The following CDC23 variants were observed in gnomAD, a reference collection of about 807,000 sequenced individuals.
CDC23 encodes the protein cell division cycle protein 23 homolog.
In CDC23, 26 loss-of-function variants were observed where a neutral mutation model predicts 81.7. The observed-to-expected ratio is 0.32, with a 90% CI of 0.23 to 0.44. The LOEUF (loss-of-function observed/expected upper bound fraction) is 0.44, where lower values mean the gene tolerates loss of function less well. Ranked by LOEUF, CDC23 falls within the 20% of genes least tolerant of loss-of-function variation. The pLI, the probability that CDC23 is intolerant of heterozygous loss-of-function variation, is 1.00. For missense variants in CDC23, 519 were observed against 728.0 expected (o/e 0.71, Z 3.30); for synonymous variants, 267 against 270.8 (o/e 0.99, Z 0.14).
intron 9 of CDC23, among the ~76,000 whole-genome samples, chr5:138,197,158 T>C (rs1171081130): frequency 6.7e-6 from 1 of 150,128 alleles, no homozygotes; most frequent in African/African-American, 2.5e-5. Context: ...TACAAAAAAT[T>C]AGCCGGGCGT....
intron 2 of CDC23, among the ~76,000 whole-genome samples, chr5:138,208,164 C>G (rs1755074048): frequency 6.6e-6 from 1 of 152,000 alleles, no homozygotes; most frequent in Non-Finnish European, 1.5e-5. Context: ...TTTCACCAGG[C>G]TGGTCTTGAA....
intron 9 of CDC23, among the ~76,000 whole-genome samples, chr5:138,193,786 C>T (rs1197086186): frequency 1.3e-5 from 2 of 151,786 alleles, no homozygotes; most frequent in Admixed American, 6.6e-5. Flanking sequence ...GGAAGAAACT[C>T]GGTCTCTACT....
chr5:138,206,663 C>A lies in CDC23; in HGVS notation c.256G>T (p.Ala86Ser). The A allele has an allele frequency of 6.2e-7, 1 of 1,611,580 alleles. No homozygotes were observed. Among genetic ancestry groups the A allele is most frequent in the Non-Finnish European group, 8.5e-7 (1 of 1,178,816 alleles). The change falls in exon 3 of 16, where the codon GCC (alanine) becomes TCC (serine). Residue 86 changes from alanine (A) to serine (S), a missense_variant. Physicochemically the swap from Ala to Ser is moderately conservative, Grantham distance 99. Transcript: ENST00000394886. Reference protein sequence around the residue: ...ITEEDAQDMDAYTLAKAYFDV... With the variant: ...ITEEDAQDMDSYTLAKAYFDV... ...AAGTAGGCCTTGGCCAGGGTATAGG[C>A]ATCCATATCCTGGGCATCTTCCTAA...
Position 138,206,591 on chromosome 5 carries a change from T to C in CDC23, c.328A>G (p.Asn110Asp). 6.2e-7 allele frequency: 1 copy of C among 1,614,160 alleles called. No individual in the cohort carries two copies. Among genetic ancestry groups the C allele is most frequent in the Non-Finnish European group, 8.5e-7 (1 of 1,180,004 alleles). ...DRAAHFLHGCNSKKAYFLYMY... is the reference protein window; with the variant it reads ...DRAAHFLHGCDSKKAYFLYMY... ...TACAGAAAATAGGCTTTCTTGCTAT[T>C]GCAGCCATGCAGGAAATGTGCTGCC... Residue 110 changes from asparagine (N) to aspartate (D), a missense_variant, in exon 3 of 16, where the codon AAT (asparagine) becomes GAT (aspartate). By Grantham distance (23) the Asn-to-Asp change is conservative. This residue lies in a region of CDC23 where 180 missense variants were observed against 239.3 expected (regional missense o/e 0.75). Transcript: ENST00000394886.
chr5:138,210,728 C>A, intron 2 of CDC23, among the ~76,000 whole-genome samples: 1 of 152,100 alleles, frequency 6.6e-6, no homozygotes, highest in East Asian at 1.9e-4. Flanking sequence ...TTCAACAAAC[C>A]AATAGCTAAT....
At chr5:138,206,514 A>G (rs551340826) in intron 3 of CDC23, 33 bp downstream of exon 3, 1 of 1,612,842 alleles carries the variant, frequency 6.2e-7, no homozygotes, top group Admixed American at 1.7e-5. Flanking sequence ...ATGTTTCACT[A>G]AAGGCAGAAT....
rs1472582351 is a variant in CDC23 at position 138,192,168 on chromosome 5, G to A, written c.1286+101C>T. On this transcript the variant is annotated intron_variant, in intron 11 of 15. Transcript: ENST00000394886. The stretch of plus-strand genomic sequence containing the variant: ...CAACTTTAACCTCAGATCCCCAAGA[G>A]CCAAAACCATCCACTGTGATTTGTC... 6 of 1,469,260 alleles carry A rather than the reference G, an allele frequency of 4.1e-6. No individual in the cohort carries two copies. The African/African-American group carries it at 7.1e-5, about 17-fold the overall frequency. The allele number at this position is 1,469,260 out of a possible 1,614,324, so 91.0% of individuals were successfully genotyped here.
chr5:138,191,979 A>C (rs1474446792), intron 11 of CDC23, 42 bp from the exon 12 acceptor site: 3 of 1,549,208 alleles, frequency 1.9e-6, no homozygotes, highest in South Asian at 1.1e-5. Context: ...GACTTTACAG[A>C]AACTGAAGTT....
chr5:138,207,900 A>G (rs1173902793), intron 2 of CDC23, among the ~76,000 whole-genome samples: 6 of 151,886 alleles, frequency 4.0e-5, no homozygotes, highest in Admixed American at 6.6e-5. Flanking sequence ...CATCACTTCA[A>G]TCTGGTGACG....
At chr5:138,199,727 C>A (rs891853478) in intron 6 of CDC23, among the ~76,000 whole-genome samples, 4 of 152,202 alleles carry the variant, frequency 2.6e-5, no homozygotes, top group Non-Finnish European at 4.4e-5. Flanking sequence ...AAAAGTCTAT[C>A]AAGTTGGGAG....
At chr5:138,195,836 CAT>C (rs534899497) in intron 9 of CDC23, among the ~76,000 whole-genome samples, 4 of 126,928 alleles carry the variant, frequency 3.2e-5, no homozygotes, top group East Asian at 2.1e-4. Flanking sequence ...ATATTATATA[CAT>C]ATATATATAA....
Position 138,192,629 on chromosome 5 carries a change from A to G in CDC23, c.1041T>C (p.His347=). Residue 347 remains histidine, a synonymous_variant, in exon 10 of 16, where the codon CAT becomes CAC. Coordinates refer to ENST00000394886, the MANE Select transcript of CDC23 (RefSeq NM_004661.4). The part of the protein sequence containing the change: ...IGNYYSLRSQ[H]EKAALYFQRA... Reference sequence around the variant, plus strand: ...TCTGGAAATATAAGGCTGCTTTCTCATGCTGAGAACGTAAACTGTAATAAT... The same window carrying G: ...TCTGGAAATATAAGGCTGCTTTCTCGTGCTGAGAACGTAAACTGTAATAAT... The G allele has an allele frequency of 1.2e-6, 2 of 1,613,604 alleles. No individual in the cohort carries two copies. Among genetic ancestry groups the G allele is most frequent in the Non-Finnish European group, 1.7e-6 (2 of 1,179,726 alleles).
chr5:138,206,482 T>C, intron 3 of CDC23, 65 bp downstream of exon 3: 2 of 1,573,352 alleles, frequency 1.3e-6, no homozygotes, highest in Non-Finnish European at 1.8e-6. Flanking sequence ...AGATTTAACT[T>C]TTCCATTGGT....
intron 9 of CDC23, among the ~76,000 whole-genome samples, chr5:138,193,953 C>T (rs1754855081): frequency 6.7e-6 from 1 of 149,232 alleles, no homozygotes; most frequent in African/African-American, 2.5e-5. Context: ...AGCAAAACTC[C>T]GTCTCCAAAA....
chr5:138,191,565 C>A (rs1014907856), intron 12 of CDC23, 30 bp from the exon 13 acceptor site: 12 of 1,594,930 alleles, frequency 7.5e-6, no homozygotes, highest in South Asian at 1.1e-5. Flanking sequence ...GTCATTTTGA[C>A]CATTGTCCCA....
chr5:138,192,220 G>A (rs761632943), intron 11 of CDC23, 49 bp downstream of exon 11: 4 of 1,606,132 alleles, frequency 2.5e-6, no homozygotes, highest in African/African-American at 2.7e-5. Context: ...GGAAAAAAAA[G>A]TTATTAGCCC....
chr5:138,200,912 G>T, intron 6 of CDC23, 195 bp downstream of exon 6: 1 of 563,728 alleles, frequency 1.8e-6, no homozygotes. Flanking sequence ...AAATCCAACA[G>T]CAACTACTGA....
chr5:138,207,131 C>T (rs1327013923), intron 2 of CDC23, among the ~76,000 whole-genome samples: 1 of 151,978 alleles, frequency 6.6e-6, no homozygotes, highest in Non-Finnish European at 1.5e-5. Flanking sequence ...CTGCCTGCCT[C>T]GGCTTCCCAA....
At chr5:138,198,083 C>T (rs777028427) in intron 9 of CDC23, 116 bp downstream of exon 9, 57 of 756,976 alleles carry the variant, frequency 7.5e-5, no homozygotes, top group Non-Finnish European at 6.9e-5. Context: ...CCTCAGTCTC[C>T]TGAGTAGAGG....
Sources: gnomAD v4.1 joint callset for allele counts (sites outside exome capture counted in the v4.1 genomes callset) on GRCh38, gnomAD v4.1.1 for gene constraint, gnomAD v4.1.1 regional missense constraint, MANE v1.5 for transcripts, NCBI Gene and HGNC (gene_info 2026-07-23, HGNC 2026-07-21) for gene names.